Variants in SLC9B1 observed in about 807,000 individuals in gnomAD.
SLC9B1 encodes the protein solute carrier family 9 member B1.
SLC9B1 carries 32 observed loss-of-function variants against 51.7 expected under a neutral mutation model. The observed-to-expected ratio is 0.62, with a 90% CI of 0.47 to 0.83. SLC9B1 has a LOEUF of 0.83. SLC9B1 is among the 40% of genes least tolerant of loss of function. SLC9B1 has a pLI of 0.00. For synonymous variants in SLC9B1, 145 were observed against 212.7 expected, an observed-to-expected ratio of 0.68 and a Z score of 2.77; for missense variants, 406 against 613.2, an observed-to-expected ratio of 0.66 and a Z score of 3.57.
intron 1 of SLC9B1, among the ~76,000 whole-genome samples, chr4:103,012,981 T>G (rs960005853): frequency 1.3e-5 from 2 of 152,180 alleles, no homozygotes; most frequent in African/African-American, 4.8e-5. Context: ...GGAGATTAAG[T>G]TTCAGCATGA....
intron 11 of SLC9B1, 30 bp downstream of exon 11, chr4:102,905,484 C>T (rs777246360): frequency 1.3e-6 from 2 of 1,578,000 alleles, no homozygotes; most frequent in Non-Finnish European, 1.7e-6. Context: ...AAAATGAAAG[C>T]ATTAAGCAAC....
chr4:102,942,560 A>G (rs930395752), intron 6 of SLC9B1, among the ~76,000 whole-genome samples: 2 of 152,218 alleles, frequency 1.3e-5, no homozygotes, highest in Non-Finnish European at 2.9e-5. Flanking sequence ...AAAGGAAACA[A>G]AAACATAAAG....
Position 102,919,860 on chromosome 4 carries a change from G to A in SLC9B1, c.830-8323C>T, listed in dbSNP as rs150514149. Among the ~76,000 whole-genome samples, 904 of 152,334 alleles carry A rather than the reference G, an allele frequency of 5.9e-3. 8 individuals are homozygous for A. The highest frequency in any genetic ancestry group is 9.0e-3 in the Non-Finnish European group (613 of 68,024). ...GTGGCAGCCTGGCTGGGGGAGGGCCGTCCACCATTGCTGAGGCTTAAGTAG... is the reference window on the plus strand; with the variant it reads ...GTGGCAGCCTGGCTGGGGGAGGGCCATCCACCATTGCTGAGGCTTAAGTAG... On this transcript the variant is annotated intron_variant, in intron 7 of 11. Transcript: ENST00000296422.
chr4:102,975,636 C>T (rs1174293035), intron 3 of SLC9B1, among the ~76,000 whole-genome samples: 1 of 112,124 alleles, frequency 8.9e-6, no homozygotes, highest in African/African-American at 3.5e-5. Flanking sequence ...GGTGCAATAT[C>T]GGCTCACTGC....
intron 11 of SLC9B1, among the ~76,000 whole-genome samples, chr4:102,893,601 G>A (rs1183311867): frequency 6.6e-6 from 1 of 152,124 alleles, no homozygotes; most frequent in Non-Finnish European, 1.5e-5. Flanking sequence ...AGGCAGTGCA[G>A]CATTAATATG....
chr4:102,940,970 C>T (rs1294618860), intron 6 of SLC9B1, among the ~76,000 whole-genome samples: 6 of 152,096 alleles, frequency 3.9e-5, no homozygotes, highest in African/African-American at 1.4e-4. Context: ...TTACAAAAAT[C>T]ACCTCAAGAT....
downstream of SLC9B1, chr4:102,897,960 G>A (rs548133414): frequency 8.6e-5 from 33 of 381,538 alleles, no homozygotes; most frequent in South Asian, 6.6e-4. Context: ...CATGTAGAAG[G>A]TCAAGAACCT....
intron 6 of SLC9B1, among the ~76,000 whole-genome samples, chr4:102,939,261 A>G (rs1411582546): frequency 6.6e-6 from 1 of 151,950 alleles, no homozygotes; most frequent in African/African-American, 2.4e-5. Context: ...GAACATCTTC[A>G]TGCAAACAAA....
intron 11 of SLC9B1, among the ~76,000 whole-genome samples, chr4:102,893,826 C>T (rs886706691): frequency 6.6e-6 from 1 of 151,948 alleles, no homozygotes; most frequent in Non-Finnish European, 1.5e-5. Context: ...ACCCAGGAGG[C>T]AGAGGTTGCA....
intron 7 of SLC9B1, among the ~76,000 whole-genome samples, chr4:102,917,886 A>T (rs1486824407): frequency 6.6e-6 from 1 of 152,048 alleles, no homozygotes; most frequent in Non-Finnish European, 1.5e-5. Context: ...CCTGAGCAAC[A>T]TGGAGAAACC....
rs1272554971 is a variant in SLC9B1, at chr4:102,946,586, TC to T, written c.525+60del. 1.9e-6 allele frequency: 3 copies of T among 1,547,734 alleles called. No homozygotes were observed. In the African/African-American group the frequency reaches 4.2e-5, roughly 22 times the overall value. On this transcript the variant is annotated intron_variant, in intron 5 of 11. Coordinates refer to ENST00000296422, the MANE Select transcript of SLC9B1 (RefSeq NM_139173.4). ...GGAAAATAAAATTTTTGCTTCTTTT[TC>T]TTTCTCACCGTCCTCTAATATTTGA...
intron 3 of SLC9B1, among the ~76,000 whole-genome samples, chr4:102,951,379 G>A (rs1175489000): frequency 1.3e-5 from 2 of 152,058 alleles, no homozygotes; most frequent in Non-Finnish European, 2.9e-5. Flanking sequence ...TATCCCATGA[G>A]CAAAAGTTAA....
At chr4:102,993,652 C>T (rs866970744) in intron 1 of SLC9B1, among the ~76,000 whole-genome samples, 104 of 152,198 alleles carry the variant, frequency 6.8e-4, no homozygotes, top group African/African-American at 2.4e-3. Flanking sequence ...GGGGCTCCAA[C>T]CCCACATTTT....
intron 3 of SLC9B1, among the ~76,000 whole-genome samples, chr4:102,974,120 C>T (rs1738908050): frequency 6.6e-6 from 1 of 151,240 alleles, no homozygotes; most frequent in South Asian, 2.1e-4. Context: ...GCCTATAATC[C>T]CAGCTACTCA....
At chr4:102,904,623 C>T (rs183595945) in intron 11 of SLC9B1, among the ~76,000 whole-genome samples, 1,714 of 152,024 alleles carry the variant, frequency 0.011, 15 homozygotes, top group Non-Finnish European at 0.017. Flanking sequence ...GCAGGAAGAT[C>T]ACTTGAACCT....
intron 1 of SLC9B1, among the ~76,000 whole-genome samples, chr4:103,013,495 C>G (rs1741179775): frequency 6.6e-6 from 1 of 152,170 alleles, no homozygotes; most frequent in Non-Finnish European, 1.5e-5. Context: ...TCTTCTCACT[C>G]TATATACATT....
chr4:102,908,627 C>T (rs1735178612), intron 9 of SLC9B1, among the ~76,000 whole-genome samples: 2 of 151,984 alleles, frequency 1.3e-5, no homozygotes, highest in Non-Finnish European at 2.9e-5. Context: ...TGATAATATA[C>T]AAAATAGTAT....
rs1268100050 is a variant in SLC9B1 at position 102,952,743 on chromosome 4, G to T, written c.212-3316C>A. Among the ~76,000 whole-genome samples, 84 of 67,076 alleles carry T rather than the reference G, an allele frequency of 1.3e-3. 1 individual carries two copies. The highest frequency in any genetic ancestry group is 5.0e-3 in the African/African-American group (76 of 15,268). 44.0% of individuals were successfully genotyped at this position (67,076 alleles called of 152,430 possible). A position where few individuals can be genotyped will look rare whatever the true frequency, so the allele number is the denominator to read the frequency against. On this transcript the variant is annotated intron_variant, in intron 3 of 11. Coordinates refer to ENST00000296422, the MANE Select transcript of SLC9B1 (RefSeq NM_139173.4). ...AGTGATGATGAGCATTTCTTCATGT[G>T]TTTTTTTGGCTGCATAAATGTCTTC...
chr4:103,008,862 C>A (rs1019914698), intron 1 of SLC9B1, among the ~76,000 whole-genome samples: 2 of 142,606 alleles, frequency 1.4e-5, no homozygotes, highest in Non-Finnish European at 3.0e-5. Flanking sequence ...TGCAGTGGCG[C>A]AATCTCGACT....
Sources: allele counts gnomAD v4.1 joint callset (sites outside exome capture counted in the v4.1 genomes callset), GRCh38; gene constraint gnomAD v4.1.1; transcripts MANE v1.5; gene names NCBI Gene and HGNC (gene_info 2026-07-23, HGNC 2026-07-21).